GRID2: variants seen among roughly 807,000 people sequenced by gnomAD.
GRID2 encodes glutamate ionotropic receptor delta type subunit 2.
GRID2 carries 33 observed loss-of-function variants against 114.8 expected under a neutral mutation model. That is an observed-to-expected ratio of 0.29 (90% CI 0.22 to 0.38). The LOEUF is 0.38. Among genes scored for constraint, GRID2 ranks in the 10% least tolerant of loss-of-function variants. The pLI is 1.00. For missense variants in GRID2, 1,184 were observed against 1,257.7 expected (o/e 0.94, Z 0.89); for synonymous variants, 505 against 449.9 (o/e 1.12, Z -1.55).
intron 2 of GRID2, among the ~76,000 whole-genome samples, chr4:92,685,678 A>G (rs989358617): frequency 6.6e-6 from 1 of 152,032 alleles, no homozygotes; most frequent in Non-Finnish European, 1.5e-5. Flanking sequence ...CAAATATATG[A>G]CCATATAATT....
chr4:92,492,680 G>A (rs1723198010), intron 1 of GRID2, among the ~76,000 whole-genome samples: 1 of 152,074 alleles, frequency 6.6e-6, no homozygotes, highest in African/African-American at 2.4e-5. Context: ...AGAATATGAA[G>A]CTCAAAGGCT....
chr4:92,358,190 G>C (rs567121565), intron 1 of GRID2, among the ~76,000 whole-genome samples: 3 of 152,068 alleles, frequency 2.0e-5, no homozygotes, highest in African/African-American at 7.2e-5. Flanking sequence ...AGCATAGAAG[G>C]CATATCAGAT....
chr4:92,414,504 G>A (rs1422307898), intron 1 of GRID2, among the ~76,000 whole-genome samples: 2 of 152,142 alleles, frequency 1.3e-5, no homozygotes, highest in African/African-American at 4.8e-5. Flanking sequence ...TAGTCAAAGG[G>A]ATGGAACACT....
chr4:93,602,754 T>A (rs1341359291), intron 13 of GRID2, among the ~76,000 whole-genome samples: 1 of 152,314 alleles, frequency 6.6e-6, no homozygotes. Context: ...GGTCTCTAAG[T>A]GTTCAAGTGA....
At chr4:93,242,104 G>A (rs1426237014) in intron 8 of GRID2, among the ~76,000 whole-genome samples, 4 of 151,938 alleles carry the variant, frequency 2.6e-5, no homozygotes, top group Non-Finnish European at 5.9e-5. Context: ...TTGCAAGCAA[G>A]TCTTTATGTT....
rs559856111 is a variant in GRID2 at position 93,320,679 on chromosome 4, G to A, written c.1246-74928G>A. ...TTCTCAATGTAAGAGGAAGACATGA[G>A]TCAACCATAGCTGAATTATAATATT... On this transcript the variant is annotated intron_variant, in intron 8 of 15. Coordinates refer to ENST00000282020, the MANE Select transcript of GRID2 (RefSeq NM_001510.4). 9.4e-4 allele frequency among the ~76,000 whole-genome samples: 143 copies of A among 151,984 alleles called. 1 individual carries two copies. The highest frequency in any genetic ancestry group is 1.7e-3 in the Non-Finnish European group (115 of 67,956).
At chr4:92,843,205 G>C (rs1743044142) in intron 2 of GRID2, among the ~76,000 whole-genome samples, 1 of 151,978 alleles carries the variant, frequency 6.6e-6, no homozygotes, top group Admixed American at 6.6e-5. Context: ...TTGCACCACT[G>C]CACTCCAGCC....
intron 1 of GRID2, among the ~76,000 whole-genome samples, chr4:92,506,672 C>T (rs527550535): frequency 7.2e-5 from 11 of 151,916 alleles, no homozygotes; most frequent in South Asian, 2.1e-4. Flanking sequence ...TACCTATATA[C>T]GATAATACAT....
At chr4:93,502,267 G>A (rs751415392) in intron 12 of GRID2, among the ~76,000 whole-genome samples, 26 of 151,982 alleles carry the variant, frequency 1.7e-4, no homozygotes, top group Non-Finnish European at 3.2e-4. Context: ...TCAGTTTTTC[G>A]TCTTTTAAAA....
intron 14 of GRID2, among the ~76,000 whole-genome samples, chr4:93,647,793 A>G (rs1420039587): frequency 6.6e-6 from 1 of 152,232 alleles, no homozygotes; most frequent in East Asian, 1.9e-4. Context: ...ACTAATTTAA[A>G]GAATTGACAG....
intron 2 of GRID2, among the ~76,000 whole-genome samples, chr4:92,607,662 G>T (rs1729524895): frequency 6.6e-6 from 1 of 151,820 alleles, no homozygotes; most frequent in African/African-American, 2.4e-5. Context: ...AACAGCAAAT[G>T]GCCAAACACC....
intron 11 of GRID2, among the ~76,000 whole-genome samples, chr4:93,489,845 T>C (rs1726806140): frequency 6.6e-6 from 1 of 151,924 alleles, no homozygotes; most frequent in Non-Finnish European, 1.5e-5. Flanking sequence ...CTGTTTTAGA[T>C]GTCATAAGTT....
intron 1 of GRID2, among the ~76,000 whole-genome samples, chr4:92,439,583 T>C (rs368267172): frequency 0.02 from 3,005 of 146,912 alleles, 109 homozygotes; most frequent in African/African-American, 0.061. Context: ...TGAAGGGAGG[T>C]CTTGTGGTAA....
intron 13 of GRID2, among the ~76,000 whole-genome samples, chr4:93,540,906 T>C (rs1047035146): frequency 2.0e-5 from 3 of 152,224 alleles, no homozygotes; most frequent in Admixed American, 6.6e-5. Context: ...CTCATTTTAC[T>C]GGTGAAGAAA....
chr4:92,979,368 G>T (rs537559305), intron 2 of GRID2, among the ~76,000 whole-genome samples: 29 of 151,750 alleles, frequency 1.9e-4, no homozygotes, highest in African/African-American at 6.8e-4. Flanking sequence ...AACAGTATTT[G>T]GATAGTACTG....
intron 1 of GRID2, among the ~76,000 whole-genome samples, chr4:92,424,638 G>A (rs1171831994): frequency 2.0e-5 from 3 of 150,972 alleles, no homozygotes; most frequent in Non-Finnish European, 4.4e-5. Flanking sequence ...TCAGTGTAAT[G>A]AATATGAGAA....
intron 1 of GRID2, among the ~76,000 whole-genome samples, chr4:92,317,617 G>A (rs942127351): frequency 6.6e-6 from 1 of 152,208 alleles, no homozygotes; most frequent in African/African-American, 2.4e-5. Context: ...AAGGAGCAAA[G>A]GGTTTTAGAT....
chr4:93,119,900 TG>T lies in GRID2; in HGVS notation c.735+8948del, dbSNP rs569235551. On this transcript the variant is annotated intron_variant, in intron 4 of 15. Transcript: ENST00000282020. ...GCCTTTACCCACTTTTTGATGGGGTTGTTTTTTTCTTGTAAATTTGGTCAAG... is the reference window on the plus strand; with the variant it reads ...GCCTTTACCCACTTTTTGATGGGGTTTTTTTTTCTTGTAAATTTGGTCAAG... 3.2e-3 allele frequency among the ~76,000 whole-genome samples: 485 copies of T among 152,318 alleles called. 1 individual carries two copies. The highest frequency in any genetic ancestry group is 0.011 in the African/African-American group (473 of 41,586).
chr4:92,990,866 T>A (rs1754858187), intron 2 of GRID2, among the ~76,000 whole-genome samples: 1 of 152,032 alleles, frequency 6.6e-6, no homozygotes, highest in African/African-American at 2.4e-5. Context: ...GCATGATAGC[T>A]CTAAAAAAGA....
Sources: gnomAD v4.1 joint callset for allele counts (sites outside exome capture counted in the v4.1 genomes callset) on GRCh38, gnomAD v4.1.1 for gene constraint, MANE v1.5 for transcripts, NCBI Gene and HGNC (gene_info 2026-07-23, HGNC 2026-07-21) for gene names.